Variants in HIVEP2 observed in about 807,000 individuals in gnomAD.
HIVEP2 encodes the protein transcription factor HIVEP2.
HIVEP2 carries 14 observed loss-of-function variants against 180.7 expected under a neutral mutation model. The observed-to-expected ratio is 0.08, with a 90% CI of 0.05 to 0.12. HIVEP2 has a LOEUF of 0.12. Among genes scored for constraint, HIVEP2 ranks in the 10% least tolerant of loss-of-function variants. The pLI, the probability that HIVEP2 is intolerant of heterozygous loss-of-function variation, is 1.00. For synonymous variants in HIVEP2, 1,184 were observed against 1,136.4 expected (o/e 1.04, Z -0.84); for missense variants, 2,579 against 3,008.5 (o/e 0.86, Z 3.34).
intron 1 of HIVEP2, among the ~76,000 whole-genome samples, chr6:142,873,096 A>G (rs1343736577): frequency 6.6e-6 from 1 of 152,180 alleles, no homozygotes; most frequent in Non-Finnish European, 1.5e-5. Context: ...TTTTTTACAG[A>G]CACCACACAG....
intron 1 of HIVEP2, among the ~76,000 whole-genome samples, chr6:142,939,384 T>C (rs568481231): frequency 6.6e-6 from 1 of 152,044 alleles, no homozygotes; most frequent in South Asian, 2.1e-4. Flanking sequence ...CTTTATAGCA[T>C]CACCTCTCTG....
In HIVEP2 at chr6:142,770,119, G is replaced by T. The variant is rs1180656640; in HGVS notation, c.4620C>A (p.Ser1540Arg). 1.2e-6 allele frequency: 2 copies of T among 1,614,246 alleles called. No individual in the cohort carries two copies. The highest frequency in any genetic ancestry group is 1.7e-6 in the Non-Finnish European group (2 of 1,180,036). Residue 1540 changes from serine to arginine, a missense_variant, in exon 5 of 10, where the codon AGC becomes AGA. Transcript: ENST00000367603. The surrounding 1 kb of genome is among the most constrained non-coding windows in gnomAD (Gnocchi z 4.7). Reference protein sequence around the residue: ...SPSSREPFLPSKEMLSGSRAP... With the variant: ...SPSSREPFLPRKEMLSGSRAP... ...CCCGGGAACCGGAAAGCATCTCCTT[G>T]CTGGGCAGGAATGGCTCCCTGGAAG...
At chr6:142,813,028 T>C (rs925339478) in intron 2 of HIVEP2, among the ~76,000 whole-genome samples, 1 of 152,172 alleles carries the variant, frequency 6.6e-6, no homozygotes. Flanking sequence ...ACAAAATTCA[T>C]TGCATCATTC....
chr6:142,782,877 C>T (rs1008736821), intron 3 of HIVEP2, among the ~76,000 whole-genome samples: 2 of 152,230 alleles, frequency 1.3e-5, no homozygotes, highest in Non-Finnish European at 1.5e-5. Flanking sequence ...TTTGTCATAC[C>T]TTTTAAAATA....
chr6:142,753,783 A>T lies in HIVEP2; in HGVS notation c.6665T>A (p.Val2222Glu), dbSNP rs763500673. The change falls in exon 10 of 10, where the codon GTG becomes GAG. Residue 2222 changes from valine (V) to glutamate (E), a missense_variant. Coordinates refer to ENST00000367603, the MANE Select transcript of HIVEP2 (RefSeq NM_006734.4). ...GGGCACCATGGGGATAGGGGCTCGC[A>T]CTTGTTGCTGAGAGTGGAGTGGAAG... ...SHLPLHSQQQ[V>E]RAPIPMVPVG... 1 of 1,614,144 alleles carries T rather than the reference A, an allele frequency of 6.2e-7. No individual in the cohort carries two copies. Among genetic ancestry groups the T allele is most frequent in the Admixed American group, 1.7e-5 (1 of 60,010 alleles).
intron 1 of HIVEP2, among the ~76,000 whole-genome samples, chr6:142,856,221 G>A (rs1159897563): frequency 8.7e-5 from 13 of 150,280 alleles, no homozygotes; most frequent in Admixed American, 4.0e-4. Flanking sequence ...AAAAAGAAAA[G>A]GAGAATTTAT....
chr6:142,855,851 A>G (rs959952815), intron 1 of HIVEP2, among the ~76,000 whole-genome samples: 1 of 152,132 alleles, frequency 6.6e-6, no homozygotes, highest in Non-Finnish European at 1.5e-5. Flanking sequence ...AACTTATTAA[A>G]AATACACTAT....
chr6:142,901,318 CAGTA>C (rs1207033852), intron 1 of HIVEP2, among the ~76,000 whole-genome samples: 2 of 152,136 alleles, frequency 1.3e-5, no homozygotes, highest in Non-Finnish European at 2.9e-5. Flanking sequence ...GTCGCATAAC[CAGTA>C]AGTATTTTCT....
At chr6:142,870,376 T>C (rs1776259345) in intron 1 of HIVEP2, among the ~76,000 whole-genome samples, 1 of 152,082 alleles carries the variant, frequency 6.6e-6, no homozygotes, top group South Asian at 2.1e-4. Context: ...TTAAATGAAA[T>C]CAATGTACAT....
At chr6:142,895,712 C>G (rs756494989) in intron 1 of HIVEP2, among the ~76,000 whole-genome samples, 4 of 152,076 alleles carry the variant, frequency 2.6e-5, no homozygotes, top group Non-Finnish European at 5.9e-5. Context: ...TAAATTTAAA[C>G]CAAAGATTTT....
At chr6:142,911,139 T>TAAAAA (rs5880554) in intron 1 of HIVEP2, among the ~76,000 whole-genome samples, 1 of 106,226 alleles carries the variant, frequency 9.4e-6, no homozygotes. Context: ...ACAAACACAT[T>TAAAAA]AAAAAAAAAA....
intron 1 of HIVEP2, among the ~76,000 whole-genome samples, chr6:142,904,833 G>T (rs1380850000): frequency 6.6e-6 from 1 of 151,978 alleles, no homozygotes; most frequent in Non-Finnish European, 1.5e-5. Flanking sequence ...CTTTCTACTT[G>T]TATCAGTTCA....
chr6:142,855,723 T>C (rs1209896398), intron 1 of HIVEP2, among the ~76,000 whole-genome samples: 1 of 152,198 alleles, frequency 6.6e-6, no homozygotes, highest in Non-Finnish European at 1.5e-5. Flanking sequence ...AGTGCTTCTG[T>C]TCATATGCTT....
intron 1 of HIVEP2, among the ~76,000 whole-genome samples, chr6:142,899,193 G>T (rs1312046283): frequency 6.6e-6 from 1 of 152,110 alleles, no homozygotes; most frequent in South Asian, 2.1e-4. Flanking sequence ...GCTCACAAAT[G>T]CATCTCTCTA....
At chr6:142,900,071 T>G (rs1562284257) in intron 1 of HIVEP2, among the ~76,000 whole-genome samples, 1 of 152,232 alleles carries the variant, frequency 6.6e-6, no homozygotes, top group African/African-American at 2.4e-5. Context: ...ATAAAAGGTC[T>G]AAACCTTAAT....
At chr6:142,909,597 A>G (rs185456368) in intron 1 of HIVEP2, among the ~76,000 whole-genome samples, 1 of 152,264 alleles carries the variant, frequency 6.6e-6, no homozygotes, top group East Asian at 1.9e-4. Flanking sequence ...AAAAAAACCA[A>G]CTGCCTCTGT....
chr6:142,775,064 G>C lies in HIVEP2; in HGVS notation c.-326C>G. The C allele has an allele frequency of 9.5e-7, 1 of 1,051,248 alleles. No individual in the cohort carries two copies. The allele number at this position is 1,051,248 out of a possible 1,614,324, so 65.1% of individuals were successfully genotyped here. A position where few individuals can be genotyped will look rare whatever the true frequency, so the allele number is the denominator to read the frequency against. On this transcript the variant is annotated 5_prime_UTR_variant, in exon 5 of 10. Coordinates refer to ENST00000367603, the MANE Select transcript of HIVEP2 (RefSeq NM_006734.4). ...GAAATTGGGATGATGAATAGTCTAG[G>C]AGAAATTTTGCCCATCAACTAGAGC...
At chr6:142,836,517 G>C (rs578187557) in intron 2 of HIVEP2, among the ~76,000 whole-genome samples, 5 of 152,184 alleles carry the variant, frequency 3.3e-5, no homozygotes, top group Admixed American at 2.0e-4. Flanking sequence ...AATGAGAATG[G>C]TTTAAAATAC....
chr6:142,787,702 T>C (rs1268932417), intron 2 of HIVEP2, among the ~76,000 whole-genome samples: 3 of 151,770 alleles, frequency 2.0e-5, no homozygotes, highest in Non-Finnish European at 2.9e-5. Context: ...CACACACACA[T>C]ACATTGACAG....
Sources: allele counts gnomAD v4.1 joint callset (sites outside exome capture counted in the v4.1 genomes callset), GRCh38; gene constraint gnomAD v4.1.1; non-coding constraint Gnocchi (gnomAD v3.1); transcripts MANE v1.5; gene names NCBI Gene and HGNC (gene_info 2026-07-23, HGNC 2026-07-21).